Variants in DCC observed in about 807,000 individuals in gnomAD.
DCC encodes DCC netrin 1 receptor.
DCC carries 58 observed loss-of-function variants against 172.5 expected under a neutral mutation model. The observed-to-expected ratio is 0.34, with a 90% CI of 0.27 to 0.42. The LOEUF is 0.42. Ranked by LOEUF, DCC falls within the 10% of genes least tolerant of loss-of-function variation. The probability of loss-of-function intolerance (pLI) is 1.00; values close to 1 mark genes in which losing one functional copy is unlikely to be tolerated. For synonymous variants in DCC, 709 were observed against 644.5 expected (o/e 1.10, Z -1.52); for missense variants, 1,740 against 1,791.0 (o/e 0.97, Z 0.51).
At chr18:52,432,868 C>T (rs776414233) in intron 1 of DCC, among the ~76,000 whole-genome samples, 3 of 152,144 alleles carry the variant, frequency 2.0e-5, no homozygotes, top group Non-Finnish European at 4.4e-5. Flanking sequence ...ATATTGCCTT[C>T]TCTGGAGAGT....
chr18:53,318,752 G>GTTT (rs57810228), intron 13 of DCC, among the ~76,000 whole-genome samples: 21 of 132,160 alleles, frequency 1.6e-4, no homozygotes, highest in African/African-American at 5.4e-4. Flanking sequence ...TCTTCGTTGG[G>GTTT]TTTTTTTTTT....
chr18:53,006,494 G>A (rs528458661), intron 5 of DCC, among the ~76,000 whole-genome samples: 2 of 152,250 alleles, frequency 1.3e-5, no homozygotes, highest in East Asian at 3.9e-4. Context: ...GTATTTTTGT[G>A]ATAGAAATAT....
intron 1 of DCC, among the ~76,000 whole-genome samples, chr18:52,694,343 C>T (rs555814506): frequency 1.2e-4 from 18 of 152,014 alleles, no homozygotes; most frequent in Admixed American, 5.9e-4. Context: ...CCTGAGGAAA[C>T]AATAGGACAT....
chr18:52,577,040 T>C (rs760745226), intron 1 of DCC, among the ~76,000 whole-genome samples: 5 of 152,194 alleles, frequency 3.3e-5, no homozygotes, highest in Non-Finnish European at 7.3e-5. Context: ...GTGTTTTCAA[T>C]TTATAGCTGT....
chr18:52,474,206 T>TAGAGAGAGAG lies in DCC; in HGVS notation c.91+133356_91+133365dup, dbSNP rs61277582. ...TTTCCATACATAATTGTAACAGACC[T>TAGAGAGAGAG]AGAGAGAGAGAGAGAGAGAGAGAGA... On this transcript the variant is annotated intron_variant, in intron 1 of 28. Coordinates refer to ENST00000442544, the MANE Select transcript of DCC (RefSeq NM_005215.4). 6.5e-3 allele frequency among the ~76,000 whole-genome samples: 657 copies of TAGAGAGAGAG among 100,638 alleles called. 3 individuals are homozygous for TAGAGAGAGAG. Among genetic ancestry groups the TAGAGAGAGAG allele is most frequent in the African/African-American group, 0.025 (601 of 24,180 alleles). 66.0% of individuals were successfully genotyped at this position (100,638 alleles called of 152,430 possible). A position where few individuals can be genotyped will look rare whatever the true frequency, so the allele number is the denominator to read the frequency against.
chr18:53,194,997 A>G (rs1019775894), intron 9 of DCC, among the ~76,000 whole-genome samples: 1 of 152,236 alleles, frequency 6.6e-6, no homozygotes, highest in African/African-American at 2.4e-5. Flanking sequence ...AATATTAACT[A>G]ACATATTATA....
At chr18:53,372,624 A>C (rs1014215253) in intron 15 of DCC, among the ~76,000 whole-genome samples, 1 of 152,110 alleles carries the variant, frequency 6.6e-6, no homozygotes, top group Admixed American at 6.6e-5. Context: ...AAAATCAACT[A>C]TATATGTATT....
chr18:53,123,184 G>A (rs1421524303), intron 7 of DCC, among the ~76,000 whole-genome samples: 1 of 152,034 alleles, frequency 6.6e-6, no homozygotes, highest in Non-Finnish European at 1.5e-5. Flanking sequence ...ACATTGGAGG[G>A]TACTAGGAAA....
chr18:53,403,036 C>G (rs978386581), intron 19 of DCC, 143 bp downstream of exon 19: 13 of 681,474 alleles, frequency 1.9e-5, no homozygotes, highest in Admixed American at 6.1e-5. Flanking sequence ...TTGATTGTTT[C>G]TTCTTTCCCC....
At chr18:52,819,083 A>G (rs558776379) in intron 2 of DCC, among the ~76,000 whole-genome samples, 1 of 152,342 alleles carries the variant, frequency 6.6e-6, no homozygotes, top group South Asian at 2.1e-4. Context: ...AGAGAAGTTT[A>G]CAGTCGTTTT....
chr18:53,093,621 C>G (rs1441098751), intron 7 of DCC, among the ~76,000 whole-genome samples: 2 of 152,164 alleles, frequency 1.3e-5, no homozygotes, highest in Non-Finnish European at 2.9e-5. Flanking sequence ...TCTGACCTTC[C>G]ATAATTATTG....
At position 52,927,096 on chromosome 18, in the gene DCC, C is replaced by CGT. The variant is rs2040222147; in HGVS notation, c.985+1729_985+1730dup. ...ATATATGTGTATATACACGTATATACGTGTATATACACGTATATACGTGTA... is the reference window on the plus strand; with the variant it reads ...ATATATGTGTATATACACGTATATACGTGTGTATATACACGTATATACGTGTA... On this transcript the variant is annotated intron_variant, in intron 5 of 28. Transcript: ENST00000442544. Among the ~76,000 whole-genome samples the CGT allele has an allele frequency of 9.5e-5, 10 of 105,238 alleles. 1 individual carries two copies. In the East Asian group the frequency reaches 1.6e-3, roughly 16 times the overall value. 69.0% of individuals were successfully genotyped at this position (105,238 alleles called of 152,430 possible). A position where few individuals can be genotyped will look rare whatever the true frequency, so the allele number is the denominator to read the frequency against.
intron 2 of DCC, among the ~76,000 whole-genome samples, chr18:52,894,566 G>A (rs551584841): frequency 2.8e-4 from 43 of 151,894 alleles, no homozygotes; most frequent in Non-Finnish European, 5.4e-4. Context: ...TTGATCACAA[G>A]GAATTGGCTC....
At chr18:52,458,069 C>T (rs1988513647) in intron 1 of DCC, among the ~76,000 whole-genome samples, 1 of 152,176 alleles carries the variant, frequency 6.6e-6, no homozygotes, top group Non-Finnish European at 1.5e-5. Context: ...CTGACTGAGA[C>T]AAGCCCAGCA....
At chr18:52,647,389 G>T (rs985522980) in intron 1 of DCC, among the ~76,000 whole-genome samples, 1 of 152,164 alleles carries the variant, frequency 6.6e-6, no homozygotes. Context: ...ACAGTATGGA[G>T]GACAGGTAGT....
At chr18:53,047,235 GATAT>G (rs70944616) in intron 5 of DCC, among the ~76,000 whole-genome samples, 55 of 30,214 alleles carry the variant, frequency 1.8e-3, no homozygotes, top group South Asian at 3.4e-3. Context: ...CTGCAGGTAG[GATAT>G]ATATATATAT....
intron 1 of DCC, among the ~76,000 whole-genome samples, chr18:52,665,201 T>C (rs1772243560): frequency 2.0e-5 from 3 of 152,204 alleles, no homozygotes; most frequent in Non-Finnish European, 4.4e-5. Context: ...GGTTTTGGCA[T>C]GGCAGGATCT....
intron 21 of DCC, among the ~76,000 whole-genome samples, chr18:53,433,184 C>T (rs147099923): frequency 2.0e-5 from 3 of 152,186 alleles, no homozygotes; most frequent in East Asian, 3.9e-4. Context: ...TCTCACCCAG[C>T]GCTTTGACCT....
At chr18:52,790,000 G>A (rs779912839) in intron 2 of DCC, among the ~76,000 whole-genome samples, 1 of 152,050 alleles carries the variant, frequency 6.6e-6, no homozygotes, top group Non-Finnish European at 1.5e-5. Context: ...CAGAGCTTAA[G>A]GTATTTTGTA....
Sources: gnomAD v4.1 joint callset for allele counts (sites outside exome capture counted in the v4.1 genomes callset) on GRCh38, gnomAD v4.1.1 for gene constraint, MANE v1.5 for transcripts, NCBI Gene and HGNC (gene_info 2026-07-23, HGNC 2026-07-21) for gene names.